Variants in SMARCA2 observed in about 807,000 individuals in gnomAD.
The protein encoded by SMARCA2 is SWI/SNF-related matrix-associated actin-dependent regulator of chromatin subfamily A member 2.
A neutral mutation model predicts 199.8 loss-of-function variants in SMARCA2; 61 were observed. That is an observed-to-expected ratio of 0.31 (90% CI 0.25 to 0.38). The LOEUF (loss-of-function observed/expected upper bound fraction) is 0.38. Ranked by LOEUF, SMARCA2 falls within the 10% of genes least tolerant of loss-of-function variation. The pLI, the probability that SMARCA2 is intolerant of heterozygous loss-of-function variation, is 1.00. For synonymous variants in SMARCA2, 935 were observed against 732.0 expected (o/e 1.28, Z -4.48); for missense variants, 1,344 against 2,012.2 (o/e 0.67, Z 6.35).
chr9:2,172,927 A>G (rs550721544), intron 29 of SMARCA2, among the ~76,000 whole-genome samples: 78 of 152,326 alleles, frequency 5.1e-4, no homozygotes, highest in Non-Finnish European at 7.3e-4. Context: ...GGATCGAAGG[A>G]GGCATACATT....
In SMARCA2 at chr9:2,047,280, C is replaced by T. The variant is rs1429794514; in HGVS notation, c.842C>T (p.Pro281Leu). The change falls in exon 5 of 34, where the codon CCC becomes CTC. Residue 281 changes from proline to leucine, a missense_variant. Coordinates refer to ENST00000349721, the MANE Select transcript of SMARCA2 (RefSeq NM_003070.5). ...GPSTPQKLPV[P>L]APGGRPSPAP... Reference sequence around the variant, plus strand: ...AGCACCCCGCAGAAGCTGCCGGTGCCCGCGCCCGGCGGCCGGCCCTCGCCC... The same window carrying T: ...AGCACCCCGCAGAAGCTGCCGGTGCTCGCGCCCGGCGGCCGGCCCTCGCCC... 4.6e-5 allele frequency: 46 copies of T among 994,690 alleles called. No individual in the cohort carries two copies. The highest frequency in any genetic ancestry group is 5.3e-5 in the Non-Finnish European group (44 of 837,468). The allele number at this position is 994,690 out of a possible 1,614,324, so 61.6% of individuals were successfully genotyped here.
intron 27 of SMARCA2, among the ~76,000 whole-genome samples, chr9:2,138,227 A>G (rs1319273378): frequency 2.0e-5 from 3 of 152,168 alleles, no homozygotes; most frequent in Admixed American, 1.3e-4. Flanking sequence ...AATTAAGACA[A>G]AAAGTATTAA....
chr9:2,059,697 T>C (rs1820501727), intron 8 of SMARCA2, among the ~76,000 whole-genome samples: 1 of 152,162 alleles, frequency 6.6e-6, no homozygotes, highest in Admixed American at 6.5e-5. Flanking sequence ...CAATTAGAGT[T>C]ATAATAGCAT....
intron 29 of SMARCA2, among the ~76,000 whole-genome samples, chr9:2,175,007 G>A (rs1172125176): frequency 6.6e-6 from 1 of 151,344 alleles, no homozygotes; most frequent in Non-Finnish European, 1.5e-5. Context: ...GGAAGGGAAC[G>A]TGTGGGTTCT....
At chr9:2,183,317 T>G (rs1827191748) in intron 31 of SMARCA2, among the ~76,000 whole-genome samples, 1 of 152,212 alleles carries the variant, frequency 6.6e-6, no homozygotes, top group Admixed American at 6.5e-5. Flanking sequence ...TTTAATCCTT[T>G]TTATCAGCCC....
intron 23 of SMARCA2, among the ~76,000 whole-genome samples, chr9:2,106,368 T>G (rs542488033): frequency 1.3e-5 from 2 of 152,328 alleles, no homozygotes; most frequent in South Asian, 4.1e-4. Context: ...CACCATGCAC[T>G]AGAGATACAG....
At chr9:2,053,206 A>G (rs940534119) in intron 5 of SMARCA2, among the ~76,000 whole-genome samples, 18 of 152,176 alleles carry the variant, frequency 1.2e-4, no homozygotes, top group Non-Finnish European at 2.9e-5. Flanking sequence ...GCTGCCACTT[A>G]AAAGTGAGAA....
chr9:2,070,424 G>A lies in SMARCA2; in HGVS notation c.1699G>A (p.Glu567Lys). 1.2e-6 allele frequency: 2 copies of A among 1,613,862 alleles called. No homozygotes were observed. The highest frequency in any genetic ancestry group is 1.7e-6 in the Non-Finnish European group (2 of 1,179,802). ...CGACATTGTTGTTTTGCAGAAGGCT[G>A]AGGAGAATGCAGAGGGTGGGGAGTC... is the stretch of plus-strand genomic sequence containing the variant. ...KKRRRRKKKA[E>K]ENAEGGESAL... The change falls in exon 10 of 34, where the codon GAG (glutamate) becomes AAG (lysine). Residue 567 changes from glutamate (E) to lysine (K), a missense_variant. This residue lies in a region of SMARCA2 where 68 missense variants were observed against 70.4 expected (regional missense o/e 0.97). Transcript: ENST00000349721.
At chr9:2,177,100 G>A (rs1164985430) in intron 29 of SMARCA2, among the ~76,000 whole-genome samples, 1 of 152,104 alleles carries the variant, frequency 6.6e-6, no homozygotes, top group East Asian at 1.9e-4. Context: ...GATAAGTAGG[G>A]GCACTAATGT....
intron 1 of SMARCA2, 73 bp from the exon 2 acceptor site, chr9:2,028,914 C>G: frequency 7.9e-7 from 1 of 1,262,306 alleles, no homozygotes; most frequent in Non-Finnish European, 1.1e-6. Context: ...CCATCAAATG[C>G]TAACAATTGT....
rs1732170333 is a variant in SMARCA2 at position 2,100,686 on chromosome 9, G to A, written c.3079-884G>A. 2.0e-5 allele frequency among the ~76,000 whole-genome samples: 3 copies of A among 150,896 alleles called. No individual in the cohort carries two copies. The South Asian group carries it at 6.3e-4, about 32-fold the overall frequency. On this transcript the variant is annotated intron_variant, in intron 21 of 33. Coordinates refer to ENST00000349721, the MANE Select transcript of SMARCA2 (RefSeq NM_003070.5). Reference sequence around the variant, plus strand: ...CCACTGCACTCCAGCCTGGGCAACAGAGTGAGACTCTGTCTCAAAAAAAAA... The same window carrying A: ...CCACTGCACTCCAGCCTGGGCAACAAAGTGAGACTCTGTCTCAAAAAAAAA...
Position 2,101,627 on chromosome 9 carries a change from A to AT in SMARCA2, c.3125+11_3125+12insT. The AT allele has an allele frequency of 2.0e-6, 3 of 1,492,912 alleles. No homozygotes were observed. Among genetic ancestry groups the AT allele is most frequent in the Admixed American group, 1.8e-5 (1 of 56,380 alleles). 92.5% of individuals were successfully genotyped at this position (1,492,912 alleles called of 1,614,324 possible). ...TGGGGTCATCAATGGGTAAATCTCAAATTTTTTTTTCTTTTAAAAAAAAAT... is the reference window on the plus strand; with the variant it reads ...TGGGGTCATCAATGGGTAAATCTCAATATTTTTTTTTCTTTTAAAAAAAAAT... On this transcript the variant is annotated intron_variant, in intron 22 of 33. Transcript: ENST00000349721.
At chr9:2,141,448 A>G (rs1824455006) in intron 27 of SMARCA2, among the ~76,000 whole-genome samples, 1 of 152,230 alleles carries the variant, frequency 6.6e-6, no homozygotes, top group African/African-American at 2.4e-5. Flanking sequence ...CATCTATGCA[A>G]GTCTGTGCAT....
At chr9:2,044,753 A>T (rs1819762244) in intron 4 of SMARCA2, 1 of 152,232 alleles carries the variant, frequency 6.6e-6, no homozygotes, top group Non-Finnish European at 1.5e-5. Flanking sequence ...GGGTGTTTAA[A>T]GGTACCTGTT....
At chr9:2,065,590 A>G (rs1008219762) in intron 9 of SMARCA2, among the ~76,000 whole-genome samples, 1 of 152,244 alleles carries the variant, frequency 6.6e-6, no homozygotes, top group African/African-American at 2.4e-5. Flanking sequence ...AGATACCAGA[A>G]TGTCAGAATA....
chr9:2,056,658 T>A lies in SMARCA2; in HGVS notation c.1174-14T>A. On this transcript the variant is annotated splice_polypyrimidine_tract_variant and intron_variant, in intron 6 of 33. Coordinates refer to ENST00000349721, the MANE Select transcript of SMARCA2 (RefSeq NM_003070.5). The surrounding 1 kb of genome is among the most constrained non-coding windows in gnomAD (Gnocchi z 4.0). Reference sequence around the variant, plus strand: ...CTGTTAGGGAAGGCTGTCTAACTGCTCTCTTCTTGACAGCTGAGACAGGAG... The same window carrying A: ...CTGTTAGGGAAGGCTGTCTAACTGCACTCTTCTTGACAGCTGAGACAGGAG... 2 of 1,607,294 alleles carry A rather than the reference T, an allele frequency of 1.2e-6. No homozygotes were observed. The highest frequency in any genetic ancestry group is 1.7e-6 in the Non-Finnish European group (2 of 1,177,472).
At chr9:2,181,328 G>A in intron 29 of SMARCA2, 1 of 367,354 alleles carries the variant, frequency 2.7e-6, no homozygotes, top group Non-Finnish European at 4.9e-6. Flanking sequence ...AATCCACAGT[G>A]TATTTCCCAT....
At position 2,161,578 on chromosome 9, in the gene SMARCA2, T is replaced by C. The variant is rs1295542182; in HGVS notation, c.3982-108T>C. On this transcript the variant is annotated intron_variant, in intron 27 of 33. Coordinates refer to ENST00000349721, the MANE Select transcript of SMARCA2 (RefSeq NM_003070.5). This position sits in a 1 kb window ranked among gnomAD's most constrained non-coding sequence, Gnocchi z 4.7. ...AACTTTTACTTTTTTTTGGTTAATTTCTTTCATTTTATTCTAATTGTTGGA... is the reference window on the plus strand; with the variant it reads ...AACTTTTACTTTTTTTTGGTTAATTCCTTTCATTTTATTCTAATTGTTGGA... 1 of 759,350 alleles carries C rather than the reference T, an allele frequency of 1.3e-6. No individual in the cohort carries two copies. Among genetic ancestry groups the C allele is most frequent in the Non-Finnish European group, 2.1e-6 (1 of 469,374 alleles). The allele number at this position is 759,350 out of a possible 1,614,324, so 47.0% of individuals were successfully genotyped here. A position where few individuals can be genotyped will look rare whatever the true frequency, so the allele number is the denominator to read the frequency against.
intron 19 of SMARCA2, among the ~76,000 whole-genome samples, chr9:2,090,856 A>G (rs1822024220): frequency 2.8e-5 from 4 of 143,402 alleles, no homozygotes; most frequent in Admixed American, 7.0e-5. Flanking sequence ...CCTTGTTAGG[A>G]TTTTTTTTTT....
Sources: allele counts gnomAD v4.1 joint callset (sites outside exome capture counted in the v4.1 genomes callset), GRCh38; gene constraint gnomAD v4.1.1; regional missense constraint gnomAD v4.1.1; non-coding constraint Gnocchi (gnomAD v3.1); transcripts MANE v1.5; gene names NCBI Gene and HGNC (gene_info 2026-07-23, HGNC 2026-07-21).